CERT1: variants seen among roughly 807,000 people sequenced by gnomAD.
CERT1 encodes ceramide transfer protein.
Under a neutral mutation model 87.9 loss-of-function variants are expected in CERT1, and 31 were observed. The observed-to-expected ratio is 0.35, with a 90% CI of 0.27 to 0.48. The LOEUF (loss-of-function observed/expected upper bound fraction) is 0.48. CERT1 is among the 20% of genes least tolerant of loss of function. The pLI, the probability that CERT1 is intolerant of heterozygous loss-of-function variation, is 0.99. For missense variants in CERT1, 487 were observed against 758.0 expected (o/e 0.64, Z 4.20); for synonymous variants, 289 against 250.9 (o/e 1.15, Z -1.44).
In CERT1 at chr5:75,496,254, A is replaced by G. The variant is rs371466644; in HGVS notation, c.231+9728T>C. On this transcript the variant is annotated intron_variant, in intron 2 of 16. Transcript: ENST00000643780. ...ATGCAAATGGAAACCACAATGAGCT[A>G]TCACTACATACCTACCAGAATGGTT... Among the ~76,000 whole-genome samples, 109 of 151,936 alleles carry G rather than the reference A, an allele frequency of 7.2e-4. 1 individual carries two copies. Among genetic ancestry groups the G allele is most frequent in the African/African-American group, 2.6e-3 (106 of 41,490 alleles).
chr5:75,438,920 T>C (rs1764197185), intron 3 of CERT1, among the ~76,000 whole-genome samples: 1 of 148,662 alleles, frequency 6.7e-6, no homozygotes, highest in African/African-American at 2.4e-5. Flanking sequence ...TTAGGACATA[T>C]CTTTTTTTTT....
At chr5:75,473,989 G>A (rs1314587428) in intron 2 of CERT1, among the ~76,000 whole-genome samples, 1 of 152,124 alleles carries the variant, frequency 6.6e-6, no homozygotes, top group Non-Finnish European at 1.5e-5. Context: ...CCTGTTCTAA[G>A]AAAAAACAAC....
At chr5:75,491,911 T>C (rs578138521) in intron 2 of CERT1, among the ~76,000 whole-genome samples, 9 of 152,274 alleles carry the variant, frequency 5.9e-5, no homozygotes, top group Admixed American at 5.9e-4. Context: ...TGAGTCAAGG[T>C]TTGATATGAA....
intron 2 of CERT1, among the ~76,000 whole-genome samples, chr5:75,470,567 A>G (rs1407840225): frequency 2.0e-5 from 3 of 152,214 alleles, no homozygotes; most frequent in Non-Finnish European, 4.4e-5. Context: ...AAAATTCAAC[A>G]TCCTTTCATA....
intron 8 of CERT1, among the ~76,000 whole-genome samples, chr5:75,409,684 G>T (rs1010790544): frequency 1.3e-5 from 2 of 151,876 alleles, no homozygotes; most frequent in Non-Finnish European, 2.9e-5. Flanking sequence ...TCACAACCAC[G>T]CCCGGCTAAT....
chr5:75,454,491 T>A (rs773576925), intron 3 of CERT1, among the ~76,000 whole-genome samples: 1 of 152,208 alleles, frequency 6.6e-6, no homozygotes, highest in Non-Finnish European at 1.5e-5. Context: ...ATTTTCTTAT[T>A]TGAGTGCAAA....
At chr5:75,374,842 A>C, downstream of CERT1, 2 of 494,006 alleles carry the variant, frequency 4.0e-6, no homozygotes, top group South Asian at 3.1e-5. Context: ...AAGATGGACT[A>C]TTCTCTGGAG....
chr5:75,511,406 G>A lies in CERT1; in HGVS notation c.-199C>T, dbSNP rs963932914. The A allele has an allele frequency of 7.1e-6, 11 of 1,545,668 alleles. No homozygotes were observed. The highest frequency in any genetic ancestry group is 1.4e-5 in the African/African-American group (1 of 72,930). ...GACACCGAGCGGAGCGAGGAAGGAGGACGAGCGGTGAAGGAAGCCTACCCT... is the reference window on the plus strand; with the variant it reads ...GACACCGAGCGGAGCGAGGAAGGAGAACGAGCGGTGAAGGAAGCCTACCCT... On this transcript the variant is annotated 5_prime_UTR_variant, in exon 1 of 17. Coordinates refer to ENST00000643780, the MANE Select transcript of CERT1 (RefSeq NM_001379029.1).
chr5:75,398,495 A>C (rs1762344471), intron 11 of CERT1, among the ~76,000 whole-genome samples: 1 of 152,206 alleles, frequency 6.6e-6, no homozygotes, highest in South Asian at 2.1e-4. Flanking sequence ...AGTCATTCTG[A>C]CCAGAGTGCT....
chr5:75,386,323 C>A (rs763919106), intron 12 of CERT1, among the ~76,000 whole-genome samples: 3 of 151,160 alleles, frequency 2.0e-5, no homozygotes, highest in Non-Finnish European at 3.0e-5. Flanking sequence ...TTACCATTCT[C>A]AAAAGACTGT....
intron 2 of CERT1, among the ~76,000 whole-genome samples, chr5:75,462,291 C>T (rs1414934919): frequency 6.6e-6 from 1 of 152,210 alleles, no homozygotes; most frequent in Non-Finnish European, 1.5e-5. Flanking sequence ...TCATGGAAGA[C>T]AGTTTTTCCA....
intron 3 of CERT1, among the ~76,000 whole-genome samples, chr5:75,429,729 A>C (rs542702725): frequency 6.6e-6 from 1 of 151,962 alleles, no homozygotes; most frequent in African/African-American, 2.4e-5. Flanking sequence ...CGTCCTCTAT[A>C]TTACCTTGAA....
At chr5:75,479,508 C>T (rs1766127191) in intron 2 of CERT1, among the ~76,000 whole-genome samples, 1 of 152,128 alleles carries the variant, frequency 6.6e-6, no homozygotes, top group Non-Finnish European at 1.5e-5. Flanking sequence ...TTAATGAGTT[C>T]CCACCATTTA....
intron 7 of CERT1, among the ~76,000 whole-genome samples, chr5:75,414,763 T>G (rs1442641860): frequency 4.6e-5 from 7 of 152,228 alleles, no homozygotes. Flanking sequence ...TATAGACAAT[T>G]CTATTATTAA....
chr5:75,411,034 G>C lies in CERT1; in HGVS notation c.907C>G (p.His303Asp). Reference protein sequence around the residue: ...NAMTELKKKSHFGGPDYEEGP... With the variant: ...NAMTELKKKSDFGGPDYEEGP... ...ACTTCATAATCTGGTCCTCCAAAGT[G>C]GGATTTTTTCTTAAGTTCTGTCATT... The change falls in exon 8 of 17, where the codon CAC becomes GAC. Residue 303 changes from histidine to aspartate, a missense_variant. Physicochemically the swap from His to Asp is moderately conservative, Grantham distance 81 (BLOSUM62 -1). Around this residue, in one of 8 missense-constraint regions of CERT1, gnomAD observed 21 missense variants for 20.4 expected, o/e 1.03. Coordinates refer to ENST00000643780, the MANE Select transcript of CERT1 (RefSeq NM_001379029.1). 1 of 1,585,876 alleles carries C rather than the reference G, an allele frequency of 6.3e-7. No homozygotes were observed. Among genetic ancestry groups the C allele is most frequent in the Non-Finnish European group, 8.6e-7 (1 of 1,160,596 alleles).
intron 2 of CERT1, among the ~76,000 whole-genome samples, chr5:75,502,609 T>C (rs932866192): frequency 1.3e-5 from 2 of 152,088 alleles, no homozygotes; most frequent in Admixed American, 6.5e-5. Context: ...ATGAAAGATA[T>C]AAACAAATCC....
chr5:75,384,719 T>C lies in CERT1; in HGVS notation c.1418-7A>G, dbSNP rs1761716720. The C allele has an allele frequency of 6.6e-7, 1 of 1,524,448 alleles. No individual in the cohort carries two copies. The highest frequency in any genetic ancestry group is 9.1e-7 in the Non-Finnish European group (1 of 1,100,442). 94.4% of individuals were successfully genotyped at this position (1,524,448 alleles called of 1,614,324 possible). ...TGAAAGTTTTCTATAGTTGCTGAAA[T>C]GAAGAGAATAATAAAAAGATATATT... On this transcript the variant is annotated splice_region_variant and splice_polypyrimidine_tract_variant and intron_variant, in intron 13 of 16. Transcript: ENST00000643780.
intron 16 of CERT1, 118 bp downstream of exon 16, chr5:75,380,954 T>C: frequency 9.2e-7 from 1 of 1,090,080 alleles, no homozygotes; most frequent in South Asian, 1.5e-5. Context: ...TTTCTCCAAA[T>C]TAAAAATTAG....
rs1765136075 is a variant in CERT1, at chr5:75,459,416, A to G, written c.232-235T>C. ...GTTGTCACATATGCTACAAACATCT[A>G]TTTCTAAAACAGAGCTGATATTTTT... is the stretch of plus-strand genomic sequence containing the variant. On this transcript the variant is annotated intron_variant, in intron 2 of 16. Transcript: ENST00000643780. 2.6e-5 allele frequency among the ~76,000 whole-genome samples: 4 copies of G among 152,304 alleles called. No individual in the cohort carries two copies. In the South Asian group the frequency reaches 8.3e-4, roughly 32 times the overall value.
Sources: allele counts gnomAD v4.1 joint callset (sites outside exome capture counted in the v4.1 genomes callset), GRCh38; gene constraint gnomAD v4.1.1; regional missense constraint gnomAD v4.1.1; transcripts MANE v1.5; gene names NCBI Gene and HGNC (gene_info 2026-07-23, HGNC 2026-07-21).